XYLT1: variants seen among roughly 807,000 people sequenced by gnomAD.
XYLT1 encodes the protein beta-D-xylosyltransferase 1.
XYLT1 carries 36 observed loss-of-function variants against 91.3 expected under a neutral mutation model. The ratio of observed to expected loss-of-function variants is 0.39; its 90% CI spans 0.30 to 0.52. The LOEUF is 0.52. Ranked by LOEUF, XYLT1 falls within the 20% of genes least tolerant of loss-of-function variation. The pLI is 0.68. For missense variants in XYLT1, 1,242 were observed against 1,284.5 expected (o/e 0.97, Z 0.51); for synonymous variants, 588 against 532.0 (o/e 1.11, Z -1.45).
intron 1 of XYLT1, among the ~76,000 whole-genome samples, chr16:17,451,573 C>T (rs1430549009): frequency 6.6e-6 from 1 of 152,200 alleles, no homozygotes; most frequent in Non-Finnish European, 1.5e-5. Context: ...TAAGTGTCTG[C>T]AAACATCCTG....
At chr16:17,268,649 G>T (rs1359944676) in intron 2 of XYLT1, among the ~76,000 whole-genome samples, 1 of 150,606 alleles carries the variant, frequency 6.6e-6, no homozygotes, top group Non-Finnish European at 1.5e-5. Context: ...GATAGAAATC[G>T]AAGTTGAGTG....
At chr16:17,290,589 C>T (rs2034207887) in intron 2 of XYLT1, among the ~76,000 whole-genome samples, 1 of 152,252 alleles carries the variant, frequency 6.6e-6, no homozygotes, top group African/African-American at 2.4e-5. Flanking sequence ...AAGGAGGTGT[C>T]AAAGCCTACC....
intron 1 of XYLT1, among the ~76,000 whole-genome samples, chr16:17,421,812 T>C (rs1417396161): frequency 6.6e-6 from 1 of 152,160 alleles, no homozygotes; most frequent in Non-Finnish European, 1.5e-5. Flanking sequence ...AGTTTTCAGA[T>C]AGTTTATTAT....
intron 1 of XYLT1, among the ~76,000 whole-genome samples, chr16:17,389,028 G>C (rs577875313): frequency 6.6e-6 from 1 of 152,302 alleles, no homozygotes; most frequent in African/African-American, 2.4e-5. Flanking sequence ...GGAAACAAAA[G>C]GGTATCCACG....
At chr16:17,346,780 C>G (rs889497914) in intron 2 of XYLT1, among the ~76,000 whole-genome samples, 3 of 152,156 alleles carry the variant, frequency 2.0e-5, no homozygotes, top group Non-Finnish European at 2.9e-5. Context: ...GTTCCTTCTT[C>G]TAGCATTGAG....
At chr16:17,173,887 G>T (rs1485507838) in intron 5 of XYLT1, among the ~76,000 whole-genome samples, 1 of 152,220 alleles carries the variant, frequency 6.6e-6, no homozygotes, top group Non-Finnish European at 1.5e-5. Context: ...ATGAGATCAT[G>T]GGTGTGGAAG....
chr16:17,299,623 C>T (rs750763699), intron 2 of XYLT1, among the ~76,000 whole-genome samples: 3 of 152,162 alleles, frequency 2.0e-5, no homozygotes, highest in Non-Finnish European at 2.9e-5. Context: ...GTTGATTTAG[C>T]CTTGACTCTG....
At chr16:17,205,557 G>C (rs2032627228) in intron 3 of XYLT1, among the ~76,000 whole-genome samples, 2 of 152,310 alleles carry the variant, frequency 1.3e-5, no homozygotes, top group Admixed American at 6.5e-5. Context: ...AGAAGAGAGA[G>C]CACAGTGCCT....
intron 2 of XYLT1, among the ~76,000 whole-genome samples, chr16:17,344,309 C>T (rs367766890): frequency 1.1e-4 from 16 of 148,898 alleles, no homozygotes; most frequent in East Asian, 8.0e-4. Flanking sequence ...GGTGAAACCC[C>T]GTCTCTACTA....
intron 6 of XYLT1, among the ~76,000 whole-genome samples, chr16:17,143,309 T>C (rs1450956317): frequency 1.3e-5 from 2 of 152,092 alleles, no homozygotes; most frequent in Non-Finnish European, 2.9e-5. Context: ...AGCACCACTA[T>C]CACCATTTTC....
chr16:17,138,181 G>C, intron 8 of XYLT1, 174 bp downstream of exon 8: 1 of 706,100 alleles, frequency 1.4e-6, no homozygotes, highest in Non-Finnish European at 2.3e-6. Context: ...CATCCCTGAA[G>C]TAAGTGCTCA....
At chr16:17,199,925 A>G (rs193044455) in intron 4 of XYLT1, among the ~76,000 whole-genome samples, 11 of 152,216 alleles carry the variant, frequency 7.2e-5, no homozygotes, top group Admixed American at 7.2e-4. Context: ...GGGAGAGGTA[A>G]GAAACAGCAT....
At chr16:17,349,787 A>C (rs1374805250) in intron 2 of XYLT1, among the ~76,000 whole-genome samples, 1 of 152,030 alleles carries the variant, frequency 6.6e-6, no homozygotes, top group Non-Finnish European at 1.5e-5. Context: ...CATGTTACAT[A>C]AAAGTGCTAA....
chr16:17,167,386 A>C (rs2031714778), intron 5 of XYLT1, among the ~76,000 whole-genome samples: 1 of 152,238 alleles, frequency 6.6e-6, no homozygotes, highest in South Asian at 2.1e-4. Context: ...TCTGAAGTCC[A>C]GTAAGTTTCC....
intron 6 of XYLT1, among the ~76,000 whole-genome samples, chr16:17,157,429 C>T (rs533098599): frequency 1.2e-4 from 19 of 152,144 alleles, no homozygotes; most frequent in East Asian, 1.2e-3. Context: ...GGTTGGGGAA[C>T]GGGGACAGGC....
intron 1 of XYLT1, among the ~76,000 whole-genome samples, chr16:17,469,296 G>A (rs1028450996): frequency 3.3e-5 from 5 of 152,212 alleles, no homozygotes; most frequent in African/African-American, 1.2e-4. Flanking sequence ...CATCCCCCTG[G>A]TGTCTAATAT....
intron 1 of XYLT1, among the ~76,000 whole-genome samples, chr16:17,371,893 C>A (rs1189422092): frequency 6.6e-6 from 1 of 152,226 alleles, no homozygotes; most frequent in Admixed American, 6.5e-5. Flanking sequence ...TGAGCATCCA[C>A]ATGCACATAC....
intron 1 of XYLT1, among the ~76,000 whole-genome samples, chr16:17,453,297 C>T (rs1335958614): frequency 2.0e-5 from 3 of 152,208 alleles, no homozygotes; most frequent in East Asian, 1.9e-4. Flanking sequence ...GCTCCTACAA[C>T]AGCTAGGGCT....
intron 2 of XYLT1, among the ~76,000 whole-genome samples, chr16:17,276,815 G>T (rs2033983856): frequency 6.6e-6 from 1 of 152,132 alleles, no homozygotes; most frequent in Non-Finnish European, 1.5e-5. Flanking sequence ...TGTGACCTAG[G>T]GAAAGTCGTT....
Sources: allele counts gnomAD v4.1 joint callset (sites outside exome capture counted in the v4.1 genomes callset), GRCh38; gene constraint gnomAD v4.1.1; transcripts MANE v1.5; gene names NCBI Gene and HGNC (gene_info 2026-07-23, HGNC 2026-07-21).